VPS13B: variants seen among roughly 807,000 people sequenced by gnomAD.
VPS13B encodes the protein intermembrane lipid transfer protein VPS13B.
In VPS13B, 285 loss-of-function variants were observed where a neutral mutation model predicts 426.4. The observed-to-expected ratio is 0.67, with a 90% confidence interval of 0.61 to 0.74. The LOEUF is 0.74. Ranked by LOEUF, VPS13B falls within the 30% of genes least tolerant of loss-of-function variation. The pLI is 0.00. For missense variants in VPS13B, 4,537 were observed against 4,782.6 expected (o/e 0.95, Z 1.51); for synonymous variants, 1,676 against 1,676.4 (o/e 1.00, Z 0.01).
intron 35 of VPS13B, among the ~76,000 whole-genome samples, chr8:99,668,355 C>CA (rs35852232): frequency 0.021 from 1,988 of 94,690 alleles, 20 homozygotes; most frequent in Middle Eastern, 0.056. Context: ...GACCCTGTCT[C>CA]AAAAAAAAAA....
chr8:99,692,856 A>C (rs1218261491), intron 35 of VPS13B, among the ~76,000 whole-genome samples: 1 of 146,642 alleles, frequency 6.8e-6, no homozygotes, highest in Non-Finnish European at 1.5e-5. Flanking sequence ...AAAATGATAA[A>C]GGGGATATCA....
At position 99,192,928 on chromosome 8, in the gene VPS13B, CT is replaced by C; in HGVS notation, c.2387del (p.Leu796ProfsTer31). 1.2e-6 allele frequency: 2 copies of C among 1,613,580 alleles called. No homozygotes were observed. Among genetic ancestry groups the C allele is most frequent in the Non-Finnish European group, 1.7e-6 (2 of 1,179,790 alleles). Reference protein sequence around the residue: ...ITEGIFELPNLTIQATRAQTL... With the variant: ...ITEGIFELPNXTIQATRAQTL... Reference sequence around the variant, plus strand: ...TGAAGGTATATTTGAACTTCCAAATCTCACAATTCAAGCTACAAGAGCACAG... The same window carrying C: ...TGAAGGTATATTTGAACTTCCAAATCCACAATTCAAGCTACAAGAGCACAG... On this transcript the variant is annotated frameshift_variant, in exon 17 of 62. Coordinates refer to ENST00000357162, the MANE Select transcript of VPS13B (RefSeq NM_152564.5). LOFTEE classifies it high-confidence loss of function.
At chr8:99,056,383 C>A (rs1190475478) in intron 3 of VPS13B, among the ~76,000 whole-genome samples, 1 of 152,116 alleles carries the variant, frequency 6.6e-6, no homozygotes, top group Non-Finnish European at 1.5e-5. Flanking sequence ...TTTTATCCTG[C>A]ACATTTGCCA....
At chr8:99,440,000 T>C (rs1817602536) in intron 22 of VPS13B, among the ~76,000 whole-genome samples, 1 of 152,164 alleles carries the variant, frequency 6.6e-6, no homozygotes, top group Admixed American at 6.6e-5. Flanking sequence ...TTTACTTTAT[T>C]GGTTTATCTT....
rs374089029 is a variant in VPS13B, at chr8:99,225,433, C to T, written c.2515+32376C>T. ...CTGGGACTAGAGGCACCCACCACCACGCCCGGCTAATGTTTTGTACTTTTA... is the reference window on the plus strand; with the variant it reads ...CTGGGACTAGAGGCACCCACCACCATGCCCGGCTAATGTTTTGTACTTTTA... On this transcript the variant is annotated intron_variant, in intron 17 of 61. Transcript: ENST00000357162. Among the ~76,000 whole-genome samples, 120 of 152,144 alleles carry T rather than the reference C, an allele frequency of 7.9e-4. 1 individual carries two copies. The East Asian group carries it at 0.011, about 14-fold the overall frequency.
At chr8:99,458,197 T>C (rs1186590919) in intron 23 of VPS13B, among the ~76,000 whole-genome samples, 1 of 152,000 alleles carries the variant, frequency 6.6e-6, no homozygotes, top group Non-Finnish European at 1.5e-5. Context: ...GATAGTTTGC[T>C]GAGAATGATG....
intron 19 of VPS13B, among the ~76,000 whole-genome samples, chr8:99,334,181 C>T (rs934663399): frequency 7.9e-5 from 12 of 151,976 alleles, no homozygotes; most frequent in African/African-American, 2.9e-4. Context: ...AACTCTCCCA[C>T]CAACAATGTG....
At chr8:99,478,447 G>GTTTTTTTTTTTTGTTTTT (rs1819824769) in intron 24 of VPS13B, among the ~76,000 whole-genome samples, 1 of 85,778 alleles carries the variant, frequency 1.2e-5, no homozygotes, top group Non-Finnish European at 2.1e-5. Flanking sequence ...TTTTTGTTTT[G>GTTTTTTTTTTTTGTTTTT]TTTTTTTTTT....
At chr8:99,734,043 C>G (rs1461433166) in intron 39 of VPS13B, among the ~76,000 whole-genome samples, 5 of 152,172 alleles carry the variant, frequency 3.3e-5, no homozygotes, top group Non-Finnish European at 1.5e-5. Context: ...ACCCCCAGCC[C>G]TAAGTAATCA....
chr8:99,185,263 A>G lies in VPS13B; in HGVS notation c.2334-7613A>G, dbSNP rs531848001. Among the ~76,000 whole-genome samples the G allele has an allele frequency of 1.9e-4, 29 of 152,350 alleles. No homozygotes were observed. In the South Asian group the frequency reaches 5.8e-3, roughly 30 times the overall value. On this transcript the variant is annotated intron_variant, in intron 16 of 61. Coordinates refer to ENST00000357162, the MANE Select transcript of VPS13B (RefSeq NM_152564.5). ...AATGAATATACAGAGGTCTGCAGGGATATATGATAAACTCATAAAAAGTTG... is the reference window on the plus strand; with the variant it reads ...AATGAATATACAGAGGTCTGCAGGGGTATATGATAAACTCATAAAAAGTTG...
intron 19 of VPS13B, among the ~76,000 whole-genome samples, chr8:99,312,072 A>G (rs994440345): frequency 6.6e-6 from 1 of 152,132 alleles, no homozygotes; most frequent in Admixed American, 6.6e-5. Context: ...GGGTCTCTGC[A>G]TGTGAGATGG....
chr8:99,514,588 T>C (rs949135449), intron 29 of VPS13B, among the ~76,000 whole-genome samples: 2 of 152,232 alleles, frequency 1.3e-5, no homozygotes, highest in African/African-American at 4.8e-5. Flanking sequence ...TCAAGGCTCA[T>C]CCAAGTTGCT....
chr8:99,556,760 C>A, intron 31 of VPS13B, 107 bp downstream of exon 31: 2 of 1,221,492 alleles, frequency 1.6e-6, no homozygotes, highest in Non-Finnish European at 2.4e-6. Context: ...TTTGGTATTG[C>A]TTCTGCTTTT....
chr8:99,374,497 T>C (rs1029192276), intron 19 of VPS13B, among the ~76,000 whole-genome samples: 1 of 152,100 alleles, frequency 6.6e-6, no homozygotes, highest in Admixed American at 6.5e-5. Flanking sequence ...AATTCCAATA[T>C]CTGGGCCACT....
At chr8:99,503,139 ATTGT>A (rs1821327935) in intron 27 of VPS13B, among the ~76,000 whole-genome samples, 189 bp downstream of exon 27, 1 of 152,218 alleles carries the variant, frequency 6.6e-6, no homozygotes, top group South Asian at 2.1e-4. Flanking sequence ...AGTGACAGAA[ATTGT>A]TTGGTTTCTC....
At chr8:99,558,717 T>C (rs1182351836) in intron 31 of VPS13B, among the ~76,000 whole-genome samples, 4 of 152,214 alleles carry the variant, frequency 2.6e-5, no homozygotes, top group Non-Finnish European at 4.4e-5. Flanking sequence ...GCTTCATCCA[T>C]GTCCCTACAA....
intron 14 of VPS13B, among the ~76,000 whole-genome samples, chr8:99,151,315 A>G (rs1228278245): frequency 6.6e-6 from 1 of 152,028 alleles, no homozygotes; most frequent in East Asian, 1.9e-4. Flanking sequence ...ATTTTCCCCC[A>G]ATCTGTGGCT....
intron 58 of VPS13B, among the ~76,000 whole-genome samples, chr8:99,864,148 T>C (rs1317846699): frequency 2.0e-5 from 3 of 152,228 alleles, no homozygotes; most frequent in African/African-American, 7.2e-5. Context: ...CTCCTCACTT[T>C]GGAAAGTTAT....
At chr8:99,434,830 G>C (rs1201694959) in intron 22 of VPS13B, among the ~76,000 whole-genome samples, 1 of 152,126 alleles carries the variant, frequency 6.6e-6, no homozygotes, top group East Asian at 1.9e-4. Flanking sequence ...AGTCTCAGCT[G>C]TCATGATTCC....
Sources: gnomAD v4.1 joint callset for allele counts (sites outside exome capture counted in the v4.1 genomes callset) on GRCh38, gnomAD v4.1.1 for gene constraint, MANE v1.5 for transcripts, NCBI Gene and HGNC (gene_info 2026-07-23, HGNC 2026-07-21) for gene names.